Variants in FHIT observed in about 807,000 individuals in gnomAD.
The protein encoded by FHIT is bis(5'-adenosyl)-triphosphatase.
In FHIT, 19 loss-of-function variants were observed where a neutral mutation model predicts 17.9. The observed-to-expected ratio is 1.06, with a 90% confidence interval of 0.74 to 1.56. The LOEUF (loss-of-function observed/expected upper bound fraction) is 1.56, where lower values mean the gene tolerates loss of function less well. FHIT is among the 40% of genes most tolerant of loss of function. The pLI is 0.00. For missense variants in FHIT, 248 were observed against 189.2 expected (o/e 1.31, Z -1.82); for synonymous variants, 81 against 69.7 (o/e 1.16, Z -0.81).
At chr3:61,044,820 C>T (rs1183083413) in intron 2 of FHIT, among the ~76,000 whole-genome samples, 1 of 152,140 alleles carries the variant, frequency 6.6e-6, no homozygotes, top group Non-Finnish European at 1.5e-5. Flanking sequence ...AGAGTGGAGG[C>T]CAATATCCAG....
chr3:60,485,342 A>G (rs991426986), intron 5 of FHIT, among the ~76,000 whole-genome samples: 1 of 152,190 alleles, frequency 6.6e-6, no homozygotes, highest in Non-Finnish European at 1.5e-5. Context: ...TACTATAAAG[A>G]CACATGCACA....
intron 5 of FHIT, among the ~76,000 whole-genome samples, chr3:60,254,211 C>A (rs1447792032): frequency 6.6e-6 from 1 of 152,060 alleles, no homozygotes; most frequent in Non-Finnish European, 1.5e-5. Flanking sequence ...AAGACCTAAC[C>A]CTTGTGTGAG....
intron 3 of FHIT, among the ~76,000 whole-genome samples, chr3:60,907,368 G>C (rs1474615249): frequency 6.6e-6 from 1 of 152,146 alleles, no homozygotes; most frequent in Non-Finnish European, 1.5e-5. Context: ...ACAGACTCAT[G>C]AAAGAGAAAT....
rs188639572 is a variant in FHIT at position 60,972,167 on chromosome 3, A to G, written c.-111+69880T>C. On this transcript the variant is annotated intron_variant, in intron 3 of 9. Coordinates refer to ENST00000492590, the MANE Select transcript of FHIT (RefSeq NM_002012.4). ...CATATTCATAGACACTTACTTATAT[A>G]TTTATACTTTTTGGTGTTCTTCATG... 3.3e-5 allele frequency among the ~76,000 whole-genome samples: 5 copies of G among 152,236 alleles called. No homozygotes were observed. The East Asian group carries it at 9.6e-4, about 29-fold the overall frequency.
intron 3 of FHIT, among the ~76,000 whole-genome samples, chr3:60,959,218 G>A (rs1221225620): frequency 6.6e-6 from 1 of 152,090 alleles, no homozygotes; most frequent in Middle Eastern, 3.2e-3. Flanking sequence ...CTCTGTCAGC[G>A]GCTGTGATTT....
intron 5 of FHIT, among the ~76,000 whole-genome samples, chr3:60,382,396 A>G (rs1240766953): frequency 2.0e-5 from 3 of 152,212 alleles, no homozygotes; most frequent in Admixed American, 6.5e-5. Context: ...CCATGAGCGA[A>G]GTGTTTTTCT....
At chr3:60,927,057 C>T (rs1707660008) in intron 3 of FHIT, among the ~76,000 whole-genome samples, 9 of 152,202 alleles carry the variant, frequency 5.9e-5, no homozygotes, top group Admixed American at 5.9e-4. Context: ...GTTGCCGAGG[C>T]TGGACTGTAC....
chr3:60,797,520 T>C (rs947999091), intron 4 of FHIT, among the ~76,000 whole-genome samples: 25 of 150,952 alleles, frequency 1.7e-4, no homozygotes, highest in Admixed American at 4.0e-4. Flanking sequence ...CCGTATCTAT[T>C]TTCTTTCATC....
At chr3:60,192,582 A>G (rs1428167892) in intron 5 of FHIT, among the ~76,000 whole-genome samples, 1 of 152,200 alleles carries the variant, frequency 6.6e-6, no homozygotes, top group Non-Finnish European at 1.5e-5. Context: ...CATGCTCTCT[A>G]CAGGGCATTC....
chr3:60,610,087 A>G (rs564489454), intron 4 of FHIT, among the ~76,000 whole-genome samples: 51 of 152,284 alleles, frequency 3.3e-4, no homozygotes, highest in Non-Finnish European at 6.5e-4. Flanking sequence ...TTATTATTAT[A>G]TTTATGCATA....
chr3:60,523,136 A>G (rs1375316356), intron 5 of FHIT, among the ~76,000 whole-genome samples: 1 of 152,122 alleles, frequency 6.6e-6, no homozygotes, highest in Non-Finnish European at 1.5e-5. Context: ...ATTATCTCCC[A>G]CGGGCTCCCT....
At chr3:60,264,253 CAAGT>C (rs1174643783) in intron 5 of FHIT, among the ~76,000 whole-genome samples, 2 of 151,950 alleles carry the variant, frequency 1.3e-5, no homozygotes, top group African/African-American at 2.4e-5. Flanking sequence ...TAATACTTCT[CAAGT>C]ATAGACATGA....
chr3:60,217,940 T>C (rs1340466866), intron 5 of FHIT, among the ~76,000 whole-genome samples: 1 of 152,192 alleles, frequency 6.6e-6, no homozygotes, highest in Non-Finnish European at 1.5e-5. Context: ...TTAATTAACA[T>C]ATTAAGTCAG....
chr3:60,361,809 T>C (rs1204781261), intron 5 of FHIT, among the ~76,000 whole-genome samples: 2 of 152,172 alleles, frequency 1.3e-5, no homozygotes, highest in Non-Finnish European at 2.9e-5. Flanking sequence ...CAAAGGGCAA[T>C]AGTAAAGGAG....
At chr3:60,234,985 G>A (rs1236610042) in intron 5 of FHIT, among the ~76,000 whole-genome samples, 2 of 151,832 alleles carry the variant, frequency 1.3e-5, no homozygotes, top group Non-Finnish European at 2.9e-5. Flanking sequence ...ATTTATCCTG[G>A]GGCTACGTAG....
At chr3:60,158,157 C>A (rs1411813122) in intron 5 of FHIT, among the ~76,000 whole-genome samples, 1 of 152,164 alleles carries the variant, frequency 6.6e-6, no homozygotes, top group Non-Finnish European at 1.5e-5. Context: ...CTACTCAACA[C>A]ATATAGCTGG....
chr3:60,371,096 C>T (rs10433635), intron 5 of FHIT, among the ~76,000 whole-genome samples: 104,133 of 152,058 alleles, frequency 0.68, 36,279 homozygotes, highest in African/African-American at 0.82. Flanking sequence ...ACACCTGAGA[C>T]AGAAGACTCT....
rs192393396 is a variant in FHIT, at chr3:60,306,221, G to C, written c.103+230639C>G. On this transcript the variant is annotated intron_variant, in intron 5 of 9. Coordinates refer to ENST00000492590, the MANE Select transcript of FHIT (RefSeq NM_002012.4). ...TGTCTGACTTTTGATTAGAACTAGA[G>C]TACGCAAAACTCAGCAGACTATGGT... Among the ~76,000 whole-genome samples, 408 of 152,186 alleles carry C rather than the reference G, an allele frequency of 2.7e-3. 4 individuals are homozygous for C. Among genetic ancestry groups the C allele is most frequent in the Non-Finnish European group, 4.3e-3 (291 of 67,980 alleles).
At chr3:61,123,796 C>T (rs1214008001) in intron 2 of FHIT, among the ~76,000 whole-genome samples, 1 of 152,030 alleles carries the variant, frequency 6.6e-6, no homozygotes, top group Non-Finnish European at 1.5e-5. Context: ...TAAATACATA[C>T]TCTCACCATG....
Sources: gnomAD v4.1 joint callset for allele counts (sites outside exome capture counted in the v4.1 genomes callset) on GRCh38, gnomAD v4.1.1 for gene constraint, MANE v1.5 for transcripts, NCBI Gene and HGNC (gene_info 2026-07-23, HGNC 2026-07-21) for gene names.